Variants in HNRNPLL observed in about 807,000 individuals in gnomAD.
HNRNPLL encodes heterogeneous nuclear ribonucleoprotein L like.
Under a neutral mutation model 67.1 loss-of-function variants are expected in HNRNPLL, and 25 were observed. That is an observed-to-expected ratio of 0.37 (90% confidence interval 0.27 to 0.52). HNRNPLL has a LOEUF of 0.52. Among genes scored for constraint, HNRNPLL ranks in the 20% least tolerant of loss-of-function variants. HNRNPLL has a pLI of 0.90. For missense variants in HNRNPLL, 542 were observed against 673.9 expected (o/e 0.80, Z 2.17); for synonymous variants, 267 against 241.7 (o/e 1.10, Z -0.97).
Position 38,568,229 on chromosome 2 carries a change from C to T in HNRNPLL, c.1543G>A (p.Ala515Thr). ...ACTCTTATCTGATAGTGATTCAGTG[C>T]CGTAAGGGCTTCTACTGCATCAGTT... ...CKTDAVEALT[A>T]LNHYQIRVPN... Residue 515 changes from alanine to threonine, a missense_variant, in exon 12 of 13, where the codon GCA (alanine) becomes ACA (threonine). Transcript: ENST00000449105. 4 of 1,612,812 alleles carry T rather than the reference C, an allele frequency of 2.5e-6. No individual in the cohort carries two copies. The highest frequency in any genetic ancestry group is 3.4e-6 in the Non-Finnish European group (4 of 1,179,052).
intron 6 of HNRNPLL, chr2:38,577,807 AC>A: frequency 2.2e-6 from 1 of 460,482 alleles, no homozygotes; most frequent in South Asian, 2.0e-5. Flanking sequence ...AAGAATGGAT[AC>A]TTTTCAGAAA....
intron 6 of HNRNPLL, among the ~76,000 whole-genome samples, chr2:38,578,744 A>G (rs1290307300): frequency 1.3e-5 from 2 of 152,090 alleles, no homozygotes; most frequent in Non-Finnish European, 2.9e-5. Flanking sequence ...AGATAGCCCT[A>G]AATTGTGAGA....
chr2:38,565,928 A>G, intron 12 of HNRNPLL: 1 of 702,516 alleles, frequency 1.4e-6, no homozygotes, highest in Non-Finnish European at 1.7e-6. Flanking sequence ...AATATTTTAA[A>G]GCAAATTTCA....
At chr2:38,586,133 T>C (rs548942495) in intron 2 of HNRNPLL, among the ~76,000 whole-genome samples, 5 of 152,202 alleles carry the variant, frequency 3.3e-5, no homozygotes, top group Admixed American at 3.3e-4. Context: ...GCCATTCTCT[T>C]GCCTCAGCCT....
chr2:38,569,416 T>G (rs1274127167), intron 9 of HNRNPLL, 82 bp from the exon 10 acceptor site: 1 of 1,005,156 alleles, frequency 9.9e-7, no homozygotes, highest in South Asian at 1.4e-5. Context: ...TAATATATTT[T>G]GCTTGCATAA....
chr2:38,567,718 C>T (rs1436969428), intron 12 of HNRNPLL, among the ~76,000 whole-genome samples: 2 of 152,190 alleles, frequency 1.3e-5, no homozygotes, highest in African/African-American at 4.8e-5. Context: ...TGGTATGCCA[C>T]TTCCAATGTT....
intron 12 of HNRNPLL, among the ~76,000 whole-genome samples, chr2:38,566,549 G>A (rs942850147): frequency 3.3e-5 from 5 of 152,066 alleles, no homozygotes; most frequent in Non-Finnish European, 7.4e-5. Flanking sequence ...AGAGTGCTGA[G>A]CAATGAATAT....
At chr2:38,572,862 T>G (rs1480455492) in intron 8 of HNRNPLL, among the ~76,000 whole-genome samples, 1 of 151,992 alleles carries the variant, frequency 6.6e-6, no homozygotes, top group South Asian at 2.1e-4. Flanking sequence ...ATACCCTCCA[T>G]GAAAGTAACT....
At chr2:38,602,376 C>A (rs1667477790) in intron 1 of HNRNPLL, 62 bp downstream of exon 1, 2 of 1,485,796 alleles carry the variant, frequency 1.3e-6, no homozygotes, top group African/African-American at 1.4e-5. Flanking sequence ...AGGCCCCGCA[C>A]CGAGGCCCTG....
At chr2:38,602,311 G>T in intron 1 of HNRNPLL, 127 bp downstream of exon 1, 1 of 838,916 alleles carries the variant, frequency 1.2e-6, no homozygotes, top group East Asian at 2.9e-5. Context: ...AGAGAAGAGT[G>T]GGCGCTTCCC....
intron 12 of HNRNPLL, among the ~76,000 whole-genome samples, chr2:38,567,895 CAACAG>C (rs1033610841): frequency 5.2e-4 from 78 of 149,272 alleles, no homozygotes; most frequent in Admixed American, 1.7e-3. Flanking sequence ...CAGACTTAAA[CAACAG>C]TTTGACTGCA....
chr2:38,564,332 A>C, intron 12 of HNRNPLL, 95 bp from the exon 13 acceptor site: 4 of 701,158 alleles, frequency 5.7e-6, no homozygotes, highest in Non-Finnish European at 1.0e-5. Context: ...TTTTATACTA[A>C]ATATAAGAAA....
intron 1 of HNRNPLL, among the ~76,000 whole-genome samples, chr2:38,595,061 C>G (rs546025672): frequency 1.3e-5 from 2 of 151,322 alleles, no homozygotes; most frequent in South Asian, 4.2e-4. Context: ...CTCAGGAGTT[C>G]GAGGCTCAGG....
In HNRNPLL at chr2:38,599,753, C is replaced by T. The variant is rs79320017; in HGVS notation, c.189+2685G>A. The stretch of plus-strand genomic sequence containing the variant: ...CCACTATGTTTTTCTTAAATACTCA[C>T]TTTCCTCTTTAAATGTAGTCAATAT... On this transcript the variant is annotated intron_variant, in intron 1 of 12. Transcript: ENST00000449105. 1,150 of 349,470 alleles carry T rather than the reference C, an allele frequency of 3.3e-3. 14 individuals are homozygous for T. The highest frequency in any genetic ancestry group is 0.021 in the African/African-American group (945 of 45,674). 21.6% of individuals were successfully genotyped at this position (349,470 alleles called of 1,614,324 possible).
chr2:38,578,544 G>A (rs1666393279), intron 6 of HNRNPLL, among the ~76,000 whole-genome samples: 1 of 152,014 alleles, frequency 6.6e-6, no homozygotes. Flanking sequence ...TGGGAGATGA[G>A]AAATACTTTA....
chr2:38,592,857 A>G (rs747890438), intron 1 of HNRNPLL, among the ~76,000 whole-genome samples: 2 of 152,212 alleles, frequency 1.3e-5, no homozygotes, highest in African/African-American at 2.4e-5. Context: ...ACTAATCTGA[A>G]AGCGCTATTT....
At chr2:38,568,118 T>G in intron 12 of HNRNPLL, 81 bp downstream of exon 12, 1 of 849,918 alleles carries the variant, frequency 1.2e-6, no homozygotes, top group South Asian at 1.6e-5. Flanking sequence ...CTATTAAGTG[T>G]TATTTTTATA....
chr2:38,568,868 A>C (rs1008184246), intron 10 of HNRNPLL, among the ~76,000 whole-genome samples: 1 of 152,264 alleles, frequency 6.6e-6, no homozygotes, highest in East Asian at 1.9e-4. Context: ...TATGTCTTTA[A>C]ATAACTTTCT....
chr2:38,562,191 A>G lies in HNRNPLL; in HGVS notation c.*1991T>C, dbSNP rs1033960190. ...TATTCACAAAGCAAACTTCATTAAC[A>G]GCAGTCATGCCTAAGTAAACTATCA... On this transcript the variant is annotated 3_prime_UTR_variant, in exon 13 of 13. Coordinates refer to ENST00000449105, the MANE Select transcript of HNRNPLL (RefSeq NM_138394.4). The G allele has an allele frequency of 6.6e-6, 1 of 152,230 alleles. No homozygotes were observed. Among genetic ancestry groups the G allele is most frequent in the Non-Finnish European group, 1.5e-5 (1 of 68,034 alleles). The allele number at this position is 152,230 out of a possible 1,614,324, so 9.4% of individuals were successfully genotyped here.
Sources: allele counts gnomAD v4.1 joint callset (sites outside exome capture counted in the v4.1 genomes callset), GRCh38; gene constraint gnomAD v4.1.1; transcripts MANE v1.5; gene names NCBI Gene and HGNC (gene_info 2026-07-23, HGNC 2026-07-21).